The following FXYD5 variants were observed in gnomAD, a reference collection of about 807,000 sequenced individuals.
FXYD5 encodes the protein FXYD domain-containing ion transport regulator 5.
FXYD5 carries 21 observed loss-of-function variants against 25.7 expected under a neutral mutation model. The observed-to-expected ratio is 0.82, with a 90% confidence interval of 0.58 to 1.18. FXYD5 has a LOEUF of 1.18. Ranked by LOEUF, FXYD5 falls within the 50% of genes most tolerant of loss-of-function variation. The pLI is 0.00. For synonymous variants in FXYD5, 101 were observed against 90.7 expected, an observed-to-expected ratio of 1.11 and a Z score of -0.64; for missense variants, 229 against 227.7, an observed-to-expected ratio of 1.01 and a Z score of -0.04.
In FXYD5 at chr19:35,164,161, C is replaced by A; in HGVS notation, c.298C>A (p.Pro100Thr). The stretch of plus-strand genomic sequence containing the variant: ...TGATCTGGCCACTCTCTCAGCTCAT[C>A]CCACTGATGACACCACGACGCTCTC... Reference protein sequence around the residue: ...ETHKSTKAAHPTDDTTTLSER... With the variant: ...ETHKSTKAAHTTDDTTTLSER... Residue 100 changes from proline (P) to threonine (T), a missense_variant, in exon 6 of 9, where the codon CCC (proline) becomes ACC (threonine). Transcript: ENST00000392219. The A allele has an allele frequency of 6.2e-7, 1 of 1,613,350 alleles. No homozygotes were observed. The highest frequency in any genetic ancestry group is 8.5e-7 in the Non-Finnish European group (1 of 1,179,846).
chr19:35,166,446 AT>A (rs755329112), intron 8 of FXYD5, 121 bp downstream of exon 8: 2 of 666,400 alleles, frequency 3.0e-6, no homozygotes, highest in Non-Finnish European at 2.7e-6. Context: ...TTAGCTGCAT[AT>A]ACATACAAAC....
At chr19:35,159,901 T>C (rs1425364495) in intron 4 of FXYD5, 1 of 351,400 alleles carries the variant, frequency 2.8e-6, no homozygotes, top group African/African-American at 2.1e-5. Context: ...GCATGCTTAA[T>C]GTTTTAAAAT....
At position 35,155,554 on chromosome 19, in the gene FXYD5, T is replaced by G; in HGVS notation, c.4T>G (p.Ser2Ala). 6.2e-7 allele frequency: 1 copy of G among 1,609,954 alleles called. No homozygotes were observed. The highest frequency in any genetic ancestry group is 8.5e-7 in the Non-Finnish European group (1 of 1,179,612). Residue 2 changes from serine to alanine, a missense_variant, in exon 2 of 9, where the codon TCG becomes GCG. Transcript: ENST00000392219. Reference sequence around the variant, plus strand: ...CCAGCATCGCCTGGTCCCACAGATGTCGCCCTCTGGTCGCCTGTGTCTTCT... The same window carrying G: ...CCAGCATCGCCTGGTCCCACAGATGGCGCCCTCTGGTCGCCTGTGTCTTCT... M[S>A]PSGRLCLLTI...
intron 1 of FXYD5, 42 bp downstream of exon 1, chr19:35,154,851 GC>G (rs2065337749): frequency 6.5e-6 from 1 of 153,440 alleles, no homozygotes; most frequent in Non-Finnish European, 1.5e-5. Context: ...CTGCCCCTCT[GC>G]CCACGGGCCG....
rs781491924 is a variant in FXYD5, at chr19:35,155,578, C to T, written c.28C>T (p.Leu10Phe). Residue 10 changes from leucine (L) to phenylalanine (F), a missense_variant, in exon 2 of 9, where the codon CTC (leucine) becomes TTC (phenylalanine). By Grantham distance (22) the Leu-to-Phe change is conservative. Transcript: ENST00000392219. MSPSGRLCL[L>F]TIVGLILPTR... The stretch of plus-strand genomic sequence containing the variant: ...GTCGCCCTCTGGTCGCCTGTGTCTT[C>T]TCACCATCGTTGGCCTGATTCTCCC... The T allele has an allele frequency of 6.1e-5, 98 of 1,610,836 alleles. 1 individual carries two copies. The highest frequency in any genetic ancestry group is 4.9e-4 in the Middle Eastern group (3 of 6,084).
intron 4 of FXYD5, 135 bp downstream of exon 4, chr19:35,158,535 G>T: frequency 1.6e-6 from 1 of 620,958 alleles, no homozygotes. Flanking sequence ...TTTACTCTGG[G>T]TGGGGACAGC....
intron 8 of FXYD5, among the ~76,000 whole-genome samples, chr19:35,168,082 A>G (rs1183980029): frequency 6.6e-6 from 1 of 152,116 alleles, no homozygotes; most frequent in East Asian, 1.9e-4. Flanking sequence ...ACTTAAAAAA[A>G]AAAAAGAATC....
rs75936760 is a variant in FXYD5, at chr19:35,157,353, G to C, written c.62-68G>C. On this transcript the variant is annotated intron_variant, in intron 2 of 8. Transcript: ENST00000392219. ...GGACCCCTAAGGTTTCACCAGGGAG[G>C]CGAGGGCGGGGGTGGTGAGAGGAGG... The C allele has an allele frequency of 6.9e-3, 5,541 of 798,064 alleles. 48 individuals carry two copies. Among genetic ancestry groups the C allele is most frequent in the Non-Finnish European group, 8.2e-3 (3,689 of 450,928 alleles). 49.4% of individuals were successfully genotyped at this position (798,064 alleles called of 1,614,324 possible).
chr19:35,157,379 G>A, intron 2 of FXYD5, 42 bp from the exon 3 acceptor site: 2 of 1,081,138 alleles, frequency 1.8e-6, no homozygotes, highest in Non-Finnish European at 2.9e-6. Context: ...TGAGAGGAGG[G>A]GGACCAGGCT....
At chr19:35,159,641 C>G (rs766698058) in intron 4 of FXYD5, 1 of 1,549,652 alleles carries the variant, frequency 6.5e-7, no homozygotes, top group South Asian at 1.2e-5. Context: ...AGCAAACGCA[C>G]TTGGAATATG....
chr19:35,163,447 G>A lies in FXYD5; in HGVS notation c.293-709G>A, dbSNP rs1329422702. Among the ~76,000 whole-genome samples the A allele has an allele frequency of 4.0e-5, 6 of 149,722 alleles. No homozygotes were observed. In the South Asian group the frequency reaches 6.4e-4, roughly 16 times the overall value. On this transcript the variant is annotated intron_variant, in intron 5 of 8. Coordinates refer to ENST00000392219, the MANE Select transcript of FXYD5 (RefSeq NM_014164.6). ...AAGAGAAGAATCCTTTGGTATTTTC[G>A]GTCTGGGGGCAGAGGTGATATTCAG...
intron 8 of FXYD5, 186 bp downstream of exon 8, chr19:35,166,511 C>G (rs1388568132): frequency 2.0e-6 from 1 of 507,608 alleles, no homozygotes; most frequent in Non-Finnish European, 3.4e-6. Flanking sequence ...CTCTCAATAC[C>G]ACAGTTTGGA....
At chr19:35,158,493 T>C (rs2065377476) in intron 4 of FXYD5, 93 bp downstream of exon 4, 1 of 798,828 alleles carries the variant, frequency 1.3e-6, no homozygotes. Flanking sequence ...GTTGCCCATT[T>C]CAGTCCCTAC....
intron 8 of FXYD5, 93 bp from the exon 9 acceptor site, chr19:35,169,473 C>T: frequency 7.5e-6 from 7 of 935,864 alleles, no homozygotes; most frequent in Admixed American, 1.7e-5. Flanking sequence ...TCCCGAGGGG[C>T]AGGGTTGATC....
chr19:35,169,214 G>A (rs1399064688), intron 8 of FXYD5, among the ~76,000 whole-genome samples: 3 of 152,162 alleles, frequency 2.0e-5, no homozygotes, highest in Non-Finnish European at 1.5e-5. Flanking sequence ...TCATACATTT[G>A]ATTTTGTAAT....
Position 35,166,272 on chromosome 19 carries a change from G to C in FXYD5, c.434G>C (p.Arg145Pro). The change falls in exon 8 of 9, where the codon CGG becomes CCG. Residue 145 changes from arginine to proline, a missense_variant. Physicochemically the swap from Arg to Pro is moderately radical, Grantham distance 103 (BLOSUM62 -2). Transcript: ENST00000392219. Reference sequence around the variant, plus strand: ...GCAGATGAACACACCCTCCGGAAACGGGGGCTGTTGGTCGCAGCTGTGCTG... The same window carrying C: ...GCAGATGAACACACCCTCCGGAAACCGGGGCTGTTGGTCGCAGCTGTGCTG... The part of the protein sequence containing the change: ...FFYDEHTLRK[R>P]GLLVAAVLFI... 6.2e-7 allele frequency: 1 copy of C among 1,610,590 alleles called. No homozygotes were observed. The highest frequency in any genetic ancestry group is 1.1e-5 in the South Asian group (1 of 90,732).
intron 8 of FXYD5, 150 bp downstream of exon 8, chr19:35,166,475 G>A (rs2065452479): frequency 1.7e-6 from 1 of 578,288 alleles, no homozygotes; most frequent in Admixed American, 3.3e-5. Flanking sequence ...GAATTCAGTG[G>A]TTTAAAATAA....
intron 6 of FXYD5, among the ~76,000 whole-genome samples, chr19:35,165,845 A>C (rs143910362): frequency 1.5e-3 from 225 of 152,164 alleles, no homozygotes; most frequent in African/African-American, 5.2e-3. Context: ...AGCCATGCGG[A>C]TGTCTAGGGA....
Position 35,160,702 on chromosome 19 carries a change from T to G in FXYD5, c.200-7T>G. On this transcript the variant is annotated splice_region_variant and splice_polypyrimidine_tract_variant and intron_variant, in intron 4 of 8. Coordinates refer to ENST00000392219, the MANE Select transcript of FXYD5 (RefSeq NM_014164.6). ...TCCTTCCCTCCTTGCTCTCCTGACC[T>G]GAATAGAAACACCACAACCCCAGAC... 1 of 1,602,678 alleles carries G rather than the reference T, an allele frequency of 6.2e-7. No individual in the cohort carries two copies. Among genetic ancestry groups the G allele is most frequent in the Non-Finnish European group, 8.5e-7 (1 of 1,169,798 alleles).
Sources: allele counts gnomAD v4.1 joint callset (sites outside exome capture counted in the v4.1 genomes callset), GRCh38; gene constraint gnomAD v4.1.1; transcripts MANE v1.5; gene names NCBI Gene and HGNC (gene_info 2026-07-23, HGNC 2026-07-21).